NOP9: variants seen among roughly 807,000 people sequenced by gnomAD.
NOP9 encodes NOP9 nucleolar protein, also known as nucleolar protein 9.
In NOP9, 50 loss-of-function variants were observed where a neutral mutation model predicts 63.0. The ratio of observed to expected loss-of-function variants is 0.79; its 90% CI spans 0.63 to 1.00. The LOEUF (loss-of-function observed/expected upper bound fraction) is 1.00. NOP9 is among the 50% of genes least tolerant of loss of function. The probability of loss-of-function intolerance (pLI) is 0.00; values close to 1 mark genes in which losing one functional copy is unlikely to be tolerated. For missense variants in NOP9, 758 were observed against 803.0 expected (o/e 0.94, Z 0.68); for synonymous variants, 343 against 332.8 (o/e 1.03, Z -0.33).
Position 24,307,636 on chromosome 14 carries a change from G to A in NOP9, c.*2541G>A. ...GAGAGATCTAGGTTTATCGATTAGG[G>A]ATGAGGGAGAGACCATGGAGTGCAG... On this transcript the variant is annotated 3_prime_UTR_variant, in exon 10 of 10. Coordinates refer to ENST00000267425, the MANE Select transcript of NOP9 (RefSeq NM_174913.3). The A allele has an allele frequency of 8.1e-7, 1 of 1,230,320 alleles. No individual in the cohort carries two copies. The highest frequency in any genetic ancestry group is 1.4e-5 in the South Asian group (1 of 72,804). 76.2% of individuals were successfully genotyped at this position (1,230,320 alleles called of 1,614,324 possible).
intron 5 of NOP9, 147 bp from the exon 6 acceptor site, chr14:24,302,927 T>A: frequency 1.0e-6 from 1 of 958,296 alleles, no homozygotes; most frequent in South Asian, 1.9e-5. Flanking sequence ...ATCCTGGGCC[T>A]TATCTAGCCA....
upstream of NOP9, chr14:24,296,845 A>C (rs759480397): frequency 3.7e-6 from 6 of 1,614,216 alleles, no homozygotes; most frequent in Non-Finnish European, 5.1e-6. Flanking sequence ...CTTGAATCGC[A>C]CACCACAGGC....
At chr14:24,274,906 CTTTT>C in the NOP9 span, among the ~76,000 whole-genome samples, 2 of 83,670 alleles carry the variant, frequency 2.4e-5, no homozygotes, top group African/African-American at 9.3e-5. Context: ...CCATGTCCGG[CTTTT>C]TTTTTTTTTT....
chr14:24,279,352 G>A, the NOP9 span, among the ~76,000 whole-genome samples: 1 of 152,212 alleles, frequency 6.6e-6, no homozygotes, highest in Admixed American at 6.5e-5. Flanking sequence ...CTGCTCCCCA[G>A]TTCCTTCTGA....
chr14:24,292,877 T>A, the NOP9 span: 1 of 1,474,326 alleles, frequency 6.8e-7, no homozygotes, highest in African/African-American at 1.4e-5. Flanking sequence ...TTCTGGTGGT[T>A]GTTGTCCACT....
At chr14:24,301,249 T>A (rs928447878) in intron 2 of NOP9, among the ~76,000 whole-genome samples, 36 of 152,000 alleles carry the variant, frequency 2.4e-4, no homozygotes, top group Admixed American at 1.0e-3. Flanking sequence ...CTATTTCATT[T>A]AAAAAAAATG....
Position 24,300,046 on chromosome 14 carries a change from C to T in NOP9, c.92C>T (p.Pro31Leu). 6.2e-7 allele frequency: 1 copy of T among 1,611,278 alleles called. No individual in the cohort carries two copies. Among genetic ancestry groups the T allele is most frequent in the Non-Finnish European group, 8.5e-7 (1 of 1,179,406 alleles). The change falls in exon 1 of 10, where the codon CCC becomes CTC. Residue 31 changes from proline (P) to leucine (L), a missense_variant. Pro to Leu is a moderately conservative substitution (Grantham distance 98). Coordinates refer to ENST00000267425, the MANE Select transcript of NOP9 (RefSeq NM_174913.3). ...CGCGGGGCCAAGGGGTCGGGGCGCCCCTTACCAGGCCGTAAGCGGCAACCC... is the reference window on the plus strand; with the variant it reads ...CGCGGGGCCAAGGGGTCGGGGCGCCTCTTACCAGGCCGTAAGCGGCAACCC... The part of the protein sequence containing the change: ...RGRGAKGSGR[P>L]LPGRKRQPWP...
At chr14:24,286,950 C>T in the NOP9 span, among the ~76,000 whole-genome samples, 6 of 151,796 alleles carry the variant, frequency 4.0e-5, no homozygotes, top group Admixed American at 6.6e-5. Flanking sequence ...AGTGTAGTGG[C>T]GCAATCTCAG....
At chr14:24,288,980 ATT>A in the NOP9 span, among the ~76,000 whole-genome samples, 2 of 144,108 alleles carry the variant, frequency 1.4e-5, no homozygotes, top group African/African-American at 5.1e-5. Flanking sequence ...CGCCCAGCTA[ATT>A]TTTTTTTTTT....
the NOP9 span, among the ~76,000 whole-genome samples, chr14:24,282,731 T>C: frequency 1.3e-5 from 2 of 152,186 alleles, 1 homozygote. Context: ...CTTCCCAGCA[T>C]TCCTCATGGG....
Position 24,307,755 on chromosome 14 carries a change from G to A in NOP9, c.*2660G>A, listed in dbSNP as rs557690407. 3.3e-5 allele frequency: 49 copies of A among 1,494,986 alleles called. No homozygotes were observed. The East Asian group carries it at 1.0e-3, about 32-fold the overall frequency. 92.6% of individuals were successfully genotyped at this position (1,494,986 alleles called of 1,614,324 possible). A position where few individuals can be genotyped will look rare whatever the true frequency, so the allele number is the denominator to read the frequency against. ...TGGTTAGTCTCCTAGGGGCTGAGTGGAGTATTGTTGCCCTGCCTATATCCC... is the reference window on the plus strand; with the variant it reads ...TGGTTAGTCTCCTAGGGGCTGAGTGAAGTATTGTTGCCCTGCCTATATCCC... On this transcript the variant is annotated 3_prime_UTR_variant, in exon 10 of 10. Transcript: ENST00000267425.
chr14:24,304,835 C>G lies in NOP9; in HGVS notation c.1754-103C>G, dbSNP rs868509390. Reference sequence around the variant, plus strand: ...TGGAAAGTGAAGTGTTCACTTTATCCCAGTGGCAGTCCCAGGGTCTGGGGG... The same window carrying G: ...TGGAAAGTGAAGTGTTCACTTTATCGCAGTGGCAGTCCCAGGGTCTGGGGG... On this transcript the variant is annotated intron_variant, in intron 9 of 9. Coordinates refer to ENST00000267425, the MANE Select transcript of NOP9 (RefSeq NM_174913.3). The G allele has an allele frequency of 1.4e-5, 19 of 1,316,040 alleles. No homozygotes were observed. In the Middle Eastern group the frequency reaches 2.2e-3, roughly 153 times the overall value. 81.5% of individuals were successfully genotyped at this position (1,316,040 alleles called of 1,614,324 possible). A position where few individuals can be genotyped will look rare whatever the true frequency, so the allele number is the denominator to read the frequency against.
the NOP9 span, chr14:24,292,093 C>A: frequency 6.6e-7 from 1 of 1,510,696 alleles, no homozygotes. Flanking sequence ...CCACAGTAAG[C>A]ACCTGGTGAG....
At chr14:24,299,371 T>C, upstream of NOP9, 1 of 385,086 alleles carries the variant, frequency 2.6e-6, no homozygotes, top group Non-Finnish European at 4.7e-6. Flanking sequence ...GGTGGACAAC[T>C]ACTACAACCC....
the NOP9 span, chr14:24,291,350 C>T: frequency 8.7e-7 from 1 of 1,148,162 alleles, no homozygotes; most frequent in Non-Finnish European, 1.3e-6. Context: ...TTCTCTTGGG[C>T]CTTGGACTTT....
the NOP9 span, chr14:24,271,381 G>T: frequency 7.9e-6 from 3 of 378,754 alleles, no homozygotes; most frequent in African/African-American, 2.1e-5. Context: ...GCCAGAGCGC[G>T]AGCCGGGGCA....
the NOP9 span, among the ~76,000 whole-genome samples, chr14:24,274,830 G>T: frequency 2.3e-4 from 35 of 150,368 alleles, no homozygotes; most frequent in East Asian, 5.1e-3. Flanking sequence ...GGATGGTCTC[G>T]ATCTCCTGAC....
Position 24,306,528 on chromosome 14 carries a change from C to G in NOP9, c.*1433C>G. On this transcript the variant is annotated 3_prime_UTR_variant, in exon 10 of 10. Transcript: ENST00000267425. ...CAGCAGTAGGGTCTCCAATGCCTGC[C>G]CAATGGCAAGAAGCAAGAAGGGCAG... The G allele has an allele frequency of 6.2e-7, 1 of 1,614,250 alleles. No homozygotes were observed. Among genetic ancestry groups the G allele is most frequent in the South Asian group, 1.1e-5 (1 of 91,084 alleles).
the NOP9 span, among the ~76,000 whole-genome samples, chr14:24,282,514 C>A: frequency 6.6e-6 from 1 of 152,144 alleles, no homozygotes; most frequent in South Asian, 2.1e-4. Flanking sequence ...AGTGAAGGGC[C>A]AAAGCCAAGG....
Sources: gnomAD v4.1 joint callset for allele counts (sites outside exome capture counted in the v4.1 genomes callset) on GRCh38, gnomAD v4.1.1 for gene constraint, MANE v1.5 for transcripts, NCBI Gene and HGNC (gene_info 2026-07-23, HGNC 2026-07-21) for gene names.